The following CSNK2A2 variants were observed in gnomAD, a reference collection of about 807,000 sequenced individuals.
CSNK2A2 encodes the protein casein kinase II subunit alpha'.
Under a neutral mutation model 54.0 loss-of-function variants are expected in CSNK2A2, and 8 were observed. The ratio of observed to expected loss-of-function variants is 0.15; its 90% CI spans 0.09 to 0.27. The LOEUF is 0.27. CSNK2A2 is among the 10% of genes least tolerant of loss of function. CSNK2A2 has a pLI of 1.00. For missense variants in CSNK2A2, 242 were observed against 439.4 expected (o/e 0.55, Z 4.02); for synonymous variants, 141 against 153.9 (o/e 0.92, Z 0.62).
chr16:58,174,380 T>C (rs2142424352), intron 5 of CSNK2A2, 71 bp downstream of exon 5: 1 of 1,102,756 alleles, frequency 9.1e-7, no homozygotes. Context: ...TAAGTTCTCT[T>C]TGTTCTCTCA....
Position 58,165,714 on chromosome 16 carries a change from AAG to A in CSNK2A2, c.828-8_828-7del. On this transcript the variant is annotated splice_region_variant and splice_polypyrimidine_tract_variant and intron_variant, in intron 9 of 11. Transcript: ENST00000262506. ...CCCAGCGTTTCCGTGAATGTCTGAG[AAG>A]AAAAATGAAGCATTAGTAACCAGAG... 3 of 1,606,626 alleles carry A rather than the reference AAG, an allele frequency of 1.9e-6. No individual in the cohort carries two copies. The highest frequency in any genetic ancestry group is 2.5e-6 in the Non-Finnish European group (3 of 1,177,796).
chr16:58,186,475 A>G (rs1236189350), intron 3 of CSNK2A2, among the ~76,000 whole-genome samples: 1 of 152,248 alleles, frequency 6.6e-6, no homozygotes, highest in Non-Finnish European at 1.5e-5. Context: ...GCTGGGGCTT[A>G]AAGGAGACAT....
At chr16:58,193,783 T>C (rs927424413) in intron 2 of CSNK2A2, among the ~76,000 whole-genome samples, 2 of 152,226 alleles carry the variant, frequency 1.3e-5, no homozygotes, top group African/African-American at 4.8e-5. Flanking sequence ...TGCCCTGCCA[T>C]ATAAACGCTT....
intron 4 of CSNK2A2, among the ~76,000 whole-genome samples, chr16:58,181,666 C>A (rs1962045788): frequency 6.6e-6 from 1 of 151,906 alleles, no homozygotes; most frequent in African/African-American, 2.4e-5. Context: ...AGTTCCAAGA[C>A]CAAAATGGAG....
intron 3 of CSNK2A2, among the ~76,000 whole-genome samples, chr16:58,186,024 T>A (rs1163084070): frequency 6.6e-6 from 1 of 152,078 alleles, no homozygotes; most frequent in Non-Finnish European, 1.5e-5. Flanking sequence ...AACAAAACTA[T>A]CATGGGAGGA....
intron 6 of CSNK2A2, among the ~76,000 whole-genome samples, chr16:58,168,143 T>C (rs1961621179): frequency 6.6e-6 from 1 of 152,118 alleles, no homozygotes; most frequent in Non-Finnish European, 1.5e-5. Flanking sequence ...CAGGCGTCAG[T>C]GAAAGGGCTG....
chr16:58,182,374 CAA>C lies in CSNK2A2; in HGVS notation c.369+1884_369+1885del, dbSNP rs71155249. On this transcript the variant is annotated intron_variant, in intron 4 of 11. Coordinates refer to ENST00000262506, the MANE Select transcript of CSNK2A2 (RefSeq NM_001896.4). ...AAAACCCCATTTCTACTAAATATAC[CAA>C]AAAAAAAAAAAAAAAAAAAAAAAAA... 4.0e-3 allele frequency among the ~76,000 whole-genome samples: 102 copies of C among 25,724 alleles called. No homozygotes were observed. The East Asian group carries it at 0.12, about 30-fold the overall frequency. 16.9% of individuals were successfully genotyped at this position (25,724 alleles called of 152,430 possible).
intron 2 of CSNK2A2, among the ~76,000 whole-genome samples, chr16:58,193,309 C>T (rs1325415132): frequency 6.6e-6 from 1 of 152,188 alleles, no homozygotes; most frequent in Non-Finnish European, 1.5e-5. Context: ...CAATGCCCAT[C>T]CTTTTAACAC....
At chr16:58,162,154 G>C (rs778497838) in intron 11 of CSNK2A2, 1 of 152,126 alleles carries the variant, frequency 6.6e-6, no homozygotes, top group East Asian at 1.9e-4. Flanking sequence ...GGAAAGACAC[G>C]CAGTGGCACA....
chr16:58,188,928 A>G (rs1488325864), intron 2 of CSNK2A2, among the ~76,000 whole-genome samples: 3 of 151,424 alleles, frequency 2.0e-5, no homozygotes, highest in African/African-American at 7.3e-5. Flanking sequence ...AATTATGTTA[A>G]GAAGTTAAAA....
At position 58,165,299 on chromosome 16, in the gene CSNK2A2, G is replaced by T. The variant is rs2242445; in HGVS notation, c.976+261C>A. On this transcript the variant is annotated intron_variant, in intron 10 of 11. Coordinates refer to ENST00000262506, the MANE Select transcript of CSNK2A2 (RefSeq NM_001896.4). ...TTAAAAAGAAATTTTAGAAACTTGC[G>T]ATCTATTAACTCAGGGTAACAGGGA... 0.14 allele frequency among the ~76,000 whole-genome samples: 21,019 copies of T among 152,152 alleles called. 1,994 individuals carry two copies. The highest frequency in any genetic ancestry group is 0.27 in the Admixed American group (4,085 of 15,280).
chr16:58,185,724 C>T (rs1304020023), intron 3 of CSNK2A2, among the ~76,000 whole-genome samples: 1 of 152,208 alleles, frequency 6.6e-6, no homozygotes, highest in African/African-American at 2.4e-5. Flanking sequence ...ACCATCCCTT[C>T]CCTTCTCAGT....
Position 58,182,269 on chromosome 16 carries a change from G to A in CSNK2A2, c.369+1991C>T, listed in dbSNP as rs536208330. Among the ~76,000 whole-genome samples the A allele has an allele frequency of 1.2e-4, 18 of 145,934 alleles. No homozygotes were observed. The South Asian group carries it at 3.5e-3, about 28-fold the overall frequency. Reference sequence around the variant, plus strand: ...AAATGGGCTAGGTGCGGTGGCTCACGCTTGTAATCCCAGCACTTTGGGAGG... The same window carrying A: ...AAATGGGCTAGGTGCGGTGGCTCACACTTGTAATCCCAGCACTTTGGGAGG... On this transcript the variant is annotated intron_variant, in intron 4 of 11. Transcript: ENST00000262506.
chr16:58,186,821 C>T lies in CSNK2A2; in HGVS notation c.252G>A (p.Lys84=). The T allele has an allele frequency of 6.2e-7, 1 of 1,614,124 alleles. No homozygotes were observed. Among genetic ancestry groups the T allele is most frequent in the Non-Finnish European group, 8.5e-7 (1 of 1,179,984 alleles). The change falls in exon 3 of 12, where the codon AAG becomes AAA. Residue 84 remains lysine (K), a synonymous_variant. Coordinates refer to ENST00000262506, the MANE Select transcript of CSNK2A2 (RefSeq NM_001896.4). ...VKKKKIKREV[K]ILENLRGGTN... is the part of the protein sequence containing the mutation. Reference sequence around the variant, plus strand: ...TTCCACCACGAAGGTTCTCCAGAATCTTAACCTCTCGTTTTATCTTCTTTT... The same window carrying T: ...TTCCACCACGAAGGTTCTCCAGAATTTTAACCTCTCGTTTTATCTTCTTTT...
At chr16:58,174,852 CG>C (rs1961835101) in intron 4 of CSNK2A2, among the ~76,000 whole-genome samples, 1 of 150,930 alleles carries the variant, frequency 6.6e-6, no homozygotes, top group South Asian at 2.1e-4. Flanking sequence ...ACATTCTTAC[CG>C]AACATCAAGA....
chr16:58,178,768 T>C (rs551332735), intron 4 of CSNK2A2, among the ~76,000 whole-genome samples: 10 of 152,250 alleles, frequency 6.6e-5, no homozygotes, highest in South Asian at 4.1e-4. Flanking sequence ...ACCTCTACCA[T>C]AAAGTGAAAT....
intron 2 of CSNK2A2, among the ~76,000 whole-genome samples, chr16:58,196,103 G>GAGT (rs1430464609): frequency 1.1e-4 from 16 of 152,308 alleles, no homozygotes; most frequent in African/African-American, 3.4e-4. Flanking sequence ...ACAGTGCTCA[G>GAGT]GGAGCCCTTA....
intron 11 of CSNK2A2, chr16:58,160,314 AT>A (rs1185594941): frequency 2.0e-5 from 3 of 152,106 alleles, no homozygotes; most frequent in Non-Finnish European, 4.4e-5. Flanking sequence ...TTATCCCCTC[AT>A]TTTTTGTAGG....
chr16:58,177,301 C>A (rs1961908482), intron 4 of CSNK2A2, among the ~76,000 whole-genome samples: 1 of 152,232 alleles, frequency 6.6e-6, no homozygotes, highest in South Asian at 2.1e-4. Flanking sequence ...TCTCTCCCTT[C>A]TTCTTAGCCA....
Sources: gnomAD v4.1 joint callset for allele counts (sites outside exome capture counted in the v4.1 genomes callset) on GRCh38, gnomAD v4.1.1 for gene constraint, MANE v1.5 for transcripts, NCBI Gene and HGNC (gene_info 2026-07-23, HGNC 2026-07-21) for gene names.